HEATR3: variants seen among roughly 807,000 people sequenced by gnomAD.
HEATR3 encodes the protein HEAT repeat containing 3.
In HEATR3, 56 loss-of-function variants were observed where a neutral mutation model predicts 72.8. The observed-to-expected ratio is 0.77, with a 90% confidence interval of 0.62 to 0.96. HEATR3 has a LOEUF of 0.96. Ranked by LOEUF, HEATR3 falls within the 40% of genes least tolerant of loss-of-function variation. The pLI, the probability that HEATR3 is intolerant of heterozygous loss-of-function variation, is 0.00. For missense variants in HEATR3, 747 were observed against 831.4 expected, an observed-to-expected ratio of 0.90 and a Z score of 1.25; for synonymous variants, 331 against 318.1, an observed-to-expected ratio of 1.04 and a Z score of -0.43.
Position 50,066,007 on chromosome 16 carries a change from G to C in HEATR3, c.-125G>C, listed in dbSNP as rs900157127. The C allele has an allele frequency of 1.7e-5, 12 of 725,876 alleles. No individual in the cohort carries two copies. The highest frequency in any genetic ancestry group is 1.3e-4 in the African/African-American group (6 of 45,240). The allele number at this position is 725,876 out of a possible 1,614,324, so 45.0% of individuals were successfully genotyped here. ...GTGCGCCTGCGCACGGCTTGCCCAT[G>C]TGTGCTGCAGCCGTCAGCCGGCCCA... On this transcript the variant is annotated 5_prime_UTR_variant, in exon 1 of 15. The change abolishes an upstream ATG in the 5' untranslated region. Transcript: ENST00000299192.
At chr16:50,092,207 G>A (rs1248823482) in intron 11 of HEATR3, among the ~76,000 whole-genome samples, 1 of 151,526 alleles carries the variant, frequency 6.6e-6, no homozygotes, top group African/African-American at 2.4e-5. Flanking sequence ...GTGGTGGCAC[G>A]TGCCTGTGGT....
intron 12 of HEATR3, among the ~76,000 whole-genome samples, chr16:50,096,888 C>T (rs1329281856): frequency 1.3e-5 from 2 of 152,178 alleles, no homozygotes; most frequent in Non-Finnish European, 2.9e-5. Flanking sequence ...CCCTCACTCC[C>T]CTCCTTTCCC....
At chr16:50,093,846 G>T (rs577291059) in intron 11 of HEATR3, among the ~76,000 whole-genome samples, 5 of 152,288 alleles carry the variant, frequency 3.3e-5, no homozygotes, top group African/African-American at 9.6e-5. Context: ...ATGCGTCAGG[G>T]CTGGAAGTCA....
chr16:50,071,971 G>A (rs979589861), intron 4 of HEATR3, among the ~76,000 whole-genome samples: 2 of 152,054 alleles, frequency 1.3e-5, no homozygotes, highest in Admixed American at 6.6e-5. Flanking sequence ...TTTCTCTATT[G>A]TAGACTGCAA....
chr16:50,095,906 A>T (rs2037224101), intron 12 of HEATR3, among the ~76,000 whole-genome samples: 1 of 152,082 alleles, frequency 6.6e-6, no homozygotes, highest in Non-Finnish European at 1.5e-5. Flanking sequence ...AAAAATCTTA[A>T]CCCCAGTACC....
intron 7 of HEATR3, among the ~76,000 whole-genome samples, chr16:50,083,238 G>A (rs973801085): frequency 6.6e-6 from 1 of 152,052 alleles, no homozygotes; most frequent in African/African-American, 2.4e-5. Context: ...TATCAGTATG[G>A]TTATTTCACT....
intron 7 of HEATR3, among the ~76,000 whole-genome samples, chr16:50,081,409 C>T (rs1248515410): frequency 2.0e-5 from 3 of 152,140 alleles, no homozygotes; most frequent in Non-Finnish European, 4.4e-5. Context: ...CGCGCCACTG[C>T]ACTCCAGCCT....
chr16:50,097,190 A>G (rs1370061428), intron 12 of HEATR3, among the ~76,000 whole-genome samples: 2 of 152,118 alleles, frequency 1.3e-5, no homozygotes, highest in Non-Finnish European at 2.9e-5. Context: ...TGATATTATA[A>G]AATAGTGATG....
intron 11 of HEATR3, 81 bp from the exon 12 acceptor site, chr16:50,094,624 A>G: frequency 1.3e-6 from 1 of 751,202 alleles, no homozygotes; most frequent in Non-Finnish European, 2.2e-6. Context: ...AACATTTAGC[A>G]TGCTTTGTTT....
intron 4 of HEATR3, among the ~76,000 whole-genome samples, chr16:50,071,315 C>T (rs72796141): frequency 0.074 from 11,327 of 152,210 alleles, 513 homozygotes; most frequent in African/African-American, 0.12. Context: ...TCCTGAAATG[C>T]CTACGTGGCA....
chr16:50,094,696 G>A lies in HEATR3; in HGVS notation c.1511-9G>A, dbSNP rs1169685104. On this transcript the variant is annotated splice_polypyrimidine_tract_variant and intron_variant, in intron 11 of 14. Coordinates refer to ENST00000299192, the MANE Select transcript of HEATR3 (RefSeq NM_182922.4). Reference sequence around the variant, plus strand: ...AATGCAAATTTTATATTTCATTTTTGTGTTTTAGATTTTGCTAAACATGTT... The same window carrying A: ...AATGCAAATTTTATATTTCATTTTTATGTTTTAGATTTTGCTAAACATGTT... 5 of 1,514,068 alleles carry A rather than the reference G, an allele frequency of 3.3e-6. No individual in the cohort carries two copies. The African/African-American group carries it at 5.7e-5, about 17-fold the overall frequency. The allele number at this position is 1,514,068 out of a possible 1,614,324, so 93.8% of individuals were successfully genotyped here.
intron 14 of HEATR3, 31 bp downstream of exon 14, chr16:50,102,466 AGT>A (rs1221249923): frequency 2.3e-5 from 36 of 1,598,356 alleles, no homozygotes; most frequent in Non-Finnish European, 3.0e-5. Context: ...TAAATACATA[AGT>A]CTGAACATTC....
intron 2 of HEATR3, among the ~76,000 whole-genome samples, chr16:50,067,912 A>T (rs918394023): frequency 6.6e-6 from 1 of 152,226 alleles, no homozygotes; most frequent in African/African-American, 2.4e-5. Context: ...AAACAGTTAC[A>T]TAAGTGTATG....
intron 4 of HEATR3, among the ~76,000 whole-genome samples, chr16:50,070,584 C>T (rs916003043): frequency 2.0e-5 from 3 of 152,118 alleles, no homozygotes; most frequent in African/African-American, 7.2e-5. Flanking sequence ...TGCCCATAAT[C>T]CCAGCTACTC....
intron 11 of HEATR3, among the ~76,000 whole-genome samples, chr16:50,091,304 T>TA (rs1406933568): frequency 2.0e-5 from 3 of 151,104 alleles, no homozygotes; most frequent in Middle Eastern, 3.5e-3. Context: ...CCATATCTAC[T>TA]AAAAATACAA....
intron 12 of HEATR3, among the ~76,000 whole-genome samples, 188 bp from the exon 13 acceptor site, chr16:50,100,042 A>G (rs1301075858): frequency 6.6e-6 from 1 of 152,194 alleles, no homozygotes; most frequent in Admixed American, 6.5e-5. Context: ...GGTTCACCTT[A>G]GTTCAGAATT....
At chr16:50,075,226 G>T (rs2036698140) in intron 5 of HEATR3, among the ~76,000 whole-genome samples, 1 of 151,212 alleles carries the variant, frequency 6.6e-6, no homozygotes, top group Admixed American at 6.6e-5. Flanking sequence ...CTGAGGCACA[G>T]GAATCGTTTG....
At position 50,068,823 on chromosome 16, in the gene HEATR3, G is replaced by A; in HGVS notation, c.355G>A (p.Val119Met). ...AGGTTTTGAAGTTTGTGATGACATG[G>A]TGACTAAGGATATCATGACCCCTCT... is the stretch of plus-strand genomic sequence containing the variant. ...CGGFEVCDDM[V>M]TKDIMTPLVA... is the part of the protein sequence containing the mutation. Residue 119 changes from valine (V) to methionine (M), a missense_variant, in exon 3 of 15, where the codon GTG becomes ATG. Coordinates refer to ENST00000299192, the MANE Select transcript of HEATR3 (RefSeq NM_182922.4). 3 of 1,614,026 alleles carry A rather than the reference G, an allele frequency of 1.9e-6. No individual in the cohort carries two copies. Among genetic ancestry groups the A allele is most frequent in the Non-Finnish European group, 2.5e-6 (3 of 1,179,910 alleles).
At chr16:50,099,826 TATCTC>T (rs1318894071) in intron 12 of HEATR3, among the ~76,000 whole-genome samples, 1 of 152,244 alleles carries the variant, frequency 6.6e-6, no homozygotes, top group African/African-American at 2.4e-5. Context: ...ATAATACAGA[TATCTC>T]AAAGTAAGTT....
Sources: allele counts gnomAD v4.1 joint callset (sites outside exome capture counted in the v4.1 genomes callset), GRCh38; gene constraint gnomAD v4.1.1; transcripts MANE v1.5; gene names NCBI Gene and HGNC (gene_info 2026-07-23, HGNC 2026-07-21).